The following ENOX1 variants were observed in gnomAD, a reference collection of about 807,000 sequenced individuals.
ENOX1 encodes candidate growth-related and time keeping constitutive hydroquinone (NADH) oxidase.
In ENOX1, 42 loss-of-function variants were observed where a neutral mutation model predicts 82.5. The observed-to-expected ratio is 0.51, with a 90% CI of 0.40 to 0.66. ENOX1 has a LOEUF of 0.66. Ranked by LOEUF, ENOX1 falls within the 30% of genes least tolerant of loss-of-function variation. The probability of loss-of-function intolerance (pLI) is 0.00; values close to 1 mark genes in which losing one functional copy is unlikely to be tolerated. For missense variants in ENOX1, 608 were observed against 811.6 expected (o/e 0.75, Z 3.05); for synonymous variants, 271 against 282.2 (o/e 0.96, Z 0.40).
At chr13:43,279,692 C>A (rs1291194658) in intron 12 of ENOX1, among the ~76,000 whole-genome samples, 1 of 152,092 alleles carries the variant, frequency 6.6e-6, no homozygotes, top group East Asian at 1.9e-4. Flanking sequence ...ACAAAAGGTG[C>A]CCGCTGAGTT....
At chr13:43,348,270 A>G (rs2153548891) in intron 8 of ENOX1, among the ~76,000 whole-genome samples, 1 of 152,374 alleles carries the variant, frequency 6.6e-6, no homozygotes, top group East Asian at 1.9e-4. Context: ...CTATTAAAGC[A>G]TTAGTCGCAC....
At chr13:43,633,686 GTA>G (rs1355396137) in intron 2 of ENOX1, among the ~76,000 whole-genome samples, 1 of 46,476 alleles carries the variant, frequency 2.2e-5, no homozygotes, top group African/African-American at 4.9e-5. Context: ...TAAAATGTGT[GTA>G]TGTGTGTGTG....
At chr13:43,214,552 G>A (rs966078544) in intron 16 of ENOX1, among the ~76,000 whole-genome samples, 2 of 152,184 alleles carry the variant, frequency 1.3e-5, no homozygotes, top group African/African-American at 4.8e-5. Flanking sequence ...AGACATTCGG[G>A]TGGATTTCTT....
intron 2 of ENOX1, among the ~76,000 whole-genome samples, chr13:43,513,321 A>G (rs2077441023): frequency 6.6e-6 from 1 of 152,188 alleles, no homozygotes; most frequent in Middle Eastern, 3.4e-3. Flanking sequence ...GTAAAACATT[A>G]AAAAAATTGT....
intron 11 of ENOX1, among the ~76,000 whole-genome samples, chr13:43,315,946 T>C (rs1305492942): frequency 6.6e-6 from 1 of 152,192 alleles, no homozygotes; most frequent in Non-Finnish European, 1.5e-5. Flanking sequence ...ATCAGGGCAC[T>C]TTGGGCTGCA....
chr13:43,321,425 G>A (rs772849464), intron 11 of ENOX1, among the ~76,000 whole-genome samples: 3 of 152,058 alleles, frequency 2.0e-5, no homozygotes, highest in Non-Finnish European at 2.9e-5. Context: ...ACCATCACTC[G>A]CACCCCTACA....
intron 3 of ENOX1, among the ~76,000 whole-genome samples, chr13:43,462,475 T>C (rs777840040): frequency 6.6e-6 from 1 of 152,192 alleles, no homozygotes; most frequent in Non-Finnish European, 1.5e-5. Context: ...TATATTACAA[T>C]TCAAATAAGC....
intron 1 of ENOX1, among the ~76,000 whole-genome samples, chr13:43,676,778 G>A (rs1387309376): frequency 6.6e-6 from 1 of 152,094 alleles, no homozygotes; most frequent in African/African-American, 2.4e-5. Flanking sequence ...TGAGATAGCT[G>A]GTCCGTTGCA....
At chr13:43,693,436 C>A (rs2086472230) in intron 1 of ENOX1, among the ~76,000 whole-genome samples, 2 of 152,160 alleles carry the variant, frequency 1.3e-5, no homozygotes, top group Non-Finnish European at 2.9e-5. Flanking sequence ...CAAAGTTTGA[C>A]AAATCCAATT....
At chr13:43,647,970 T>G (rs932520562) in intron 2 of ENOX1, among the ~76,000 whole-genome samples, 1 of 152,162 alleles carries the variant, frequency 6.6e-6, no homozygotes, top group African/African-American at 2.4e-5. Flanking sequence ...GGAATGTGTG[T>G]GACCTGTAGA....
At chr13:43,440,636 T>A (rs986168252) in intron 3 of ENOX1, among the ~76,000 whole-genome samples, 2 of 152,032 alleles carry the variant, frequency 1.3e-5, no homozygotes, top group African/African-American at 4.8e-5. Flanking sequence ...ACTTTACCAA[T>A]CAGAAAACTA....
intron 5 of ENOX1, among the ~76,000 whole-genome samples, chr13:43,400,147 G>T (rs1594345182): frequency 6.6e-6 from 1 of 152,232 alleles, no homozygotes; most frequent in East Asian, 1.9e-4. Context: ...ACACAACAGT[G>T]CTGGAGAAAA....
At chr13:43,527,167 C>T (rs2078023469) in intron 2 of ENOX1, among the ~76,000 whole-genome samples, 1 of 151,478 alleles carries the variant, frequency 6.6e-6, no homozygotes, top group African/African-American at 2.4e-5. Flanking sequence ...AAGACAGAAC[C>T]TCCCTCAACC....
At chr13:43,732,554 T>C (rs1426632277) in intron 1 of ENOX1, among the ~76,000 whole-genome samples, 1 of 152,142 alleles carries the variant, frequency 6.6e-6, no homozygotes, top group African/African-American at 2.4e-5. Context: ...TTTAAAAAAT[T>C]TAGAAGTGAA....
At chr13:43,387,713 CAT>C (rs1286465844) in intron 5 of ENOX1, among the ~76,000 whole-genome samples, 1 of 151,942 alleles carries the variant, frequency 6.6e-6, no homozygotes, top group African/African-American at 2.4e-5. Flanking sequence ...CATATATAAA[CAT>C]ATATACACAT....
intron 2 of ENOX1, among the ~76,000 whole-genome samples, chr13:43,548,811 A>G (rs1008868679): frequency 1.3e-5 from 2 of 152,146 alleles, no homozygotes; most frequent in Non-Finnish European, 2.9e-5. Context: ...TGGAATGTCC[A>G]TGTCTCTCCC....
chr13:43,503,738 G>GA (rs1382092428), intron 2 of ENOX1, among the ~76,000 whole-genome samples: 6 of 151,438 alleles, frequency 4.0e-5, no homozygotes, highest in Non-Finnish European at 8.9e-5. Flanking sequence ...TGGAAGACCC[G>GA]AAACCACAAA....
At chr13:43,374,169 T>TTTTCTTTCCTTCCTTCCTCCCTCCCTCCC (rs2051445893) in intron 5 of ENOX1, among the ~76,000 whole-genome samples, 1 of 149,580 alleles carries the variant, frequency 6.7e-6, no homozygotes, top group Non-Finnish European at 1.5e-5. Context: ...AGATTTTTCA[T>TTTTCTTTCCTTCCTTCCTCCCTCCCTCCC]TTTCTTTCCT....
intron 2 of ENOX1, among the ~76,000 whole-genome samples, chr13:43,497,179 C>G (rs1487962423): frequency 6.6e-6 from 1 of 152,044 alleles, no homozygotes; most frequent in Non-Finnish European, 1.5e-5. Context: ...ATAGGATTTT[C>G]TATACAATTT....
Sources: allele counts gnomAD v4.1 joint callset (sites outside exome capture counted in the v4.1 genomes callset), GRCh38; gene constraint gnomAD v4.1.1; transcripts MANE v1.5; gene names NCBI Gene and HGNC (gene_info 2026-07-23, HGNC 2026-07-21).